The following SSH2 variants were observed in gnomAD, a reference collection of about 807,000 sequenced individuals.
SSH2 encodes the protein protein phosphatase Slingshot homolog 2.
A neutral mutation model predicts 135.2 loss-of-function variants in SSH2; 37 were observed. The ratio of observed to expected loss-of-function variants is 0.27; its 90% CI spans 0.21 to 0.36. SSH2 has a LOEUF of 0.36. Ranked by LOEUF, SSH2 falls within the 10% of genes least tolerant of loss-of-function variation. The probability of loss-of-function intolerance (pLI) is 1.00; values close to 1 mark genes in which losing one functional copy is unlikely to be tolerated. For missense variants in SSH2, 1,408 were observed against 1,765.3 expected (o/e 0.80, Z 3.63); for synonymous variants, 628 against 646.2 (o/e 0.97, Z 0.43).
intron 3 of SSH2, among the ~76,000 whole-genome samples, chr17:29,717,467 CT>C (rs1428733868): frequency 6.6e-6 from 1 of 152,224 alleles, no homozygotes; most frequent in East Asian, 1.9e-4. Flanking sequence ...AAAAATCCAG[CT>C]TCTTTTGAAA....
chr17:29,816,669 C>T (rs893536337), intron 2 of SSH2, among the ~76,000 whole-genome samples: 1 of 145,438 alleles, frequency 6.9e-6, no homozygotes, highest in East Asian at 2.0e-4. Flanking sequence ...GCTTCCAATA[C>T]AAAATACTGA....
intron 3 of SSH2, among the ~76,000 whole-genome samples, chr17:29,742,495 T>TCAA (rs1220614457): frequency 6.8e-6 from 1 of 147,332 alleles, no homozygotes; most frequent in Non-Finnish European, 1.5e-5. Flanking sequence ...TTTTTTTTTT[T>TCAA]TTTTTCTTTT....
chr17:29,631,844 G>C lies in SSH2; in HGVS notation c.3350C>G (p.Thr1117Ser). 6.2e-7 allele frequency: 1 copy of C among 1,614,248 alleles called. No individual in the cohort carries two copies. Among genetic ancestry groups the C allele is most frequent in the Middle Eastern group, 1.6e-4 (1 of 6,062 alleles). Residue 1117 changes from threonine to serine, a missense_variant, in exon 16 of 16, where the codon ACT becomes AGT. By Grantham distance (58) the Thr-to-Ser change is moderately conservative (BLOSUM62 1). Around this residue, in one of 3 missense-constraint regions of SSH2, gnomAD observed 1,080 missense variants for 1,144.5 expected, o/e 0.94. Coordinates refer to ENST00000540801, the MANE Select transcript of SSH2 (RefSeq NM_001282129.2). ...HSSSPEHNRP[T>S]DHPTSILSSP... ...ACTCAGGATGGAGGTTGGATGGTCA[G>C]TGGGTCTGTTGTGCTCAGGGGAGGA...
At chr17:29,777,806 A>AC (rs2041740052) in intron 3 of SSH2, 2 of 152,828 alleles carry the variant, frequency 1.3e-5, no homozygotes, top group African/African-American at 4.8e-5. Context: ...AAAAAAAAAA[A>AC]AAAAAAAAAC....
In SSH2 at chr17:29,744,055, G is replaced by A. The variant is rs199792810; in HGVS notation, c.189-40993C>T. ...AGTCTCTGTGTCACAAGAGCGGGCCGTATTCACAGGGTTAAAAATATTCAC... is the reference window on the plus strand; with the variant it reads ...AGTCTCTGTGTCACAAGAGCGGGCCATATTCACAGGGTTAAAAATATTCAC... On this transcript the variant is annotated intron_variant, in intron 3 of 15. Transcript: ENST00000540801. 1.3e-4 allele frequency among the ~76,000 whole-genome samples: 20 copies of A among 152,148 alleles called. 1 individual carries two copies. The highest frequency in any genetic ancestry group is 3.3e-4 in the Admixed American group (5 of 15,294).
At chr17:29,902,729 A>G (rs1240992181) in intron 1 of SSH2, among the ~76,000 whole-genome samples, 2 of 152,032 alleles carry the variant, frequency 1.3e-5, no homozygotes, top group Non-Finnish European at 2.9e-5. Context: ...TTGCTGTGAA[A>G]GAACACCCTT....
intron 3 of SSH2, among the ~76,000 whole-genome samples, chr17:29,736,080 G>A (rs1213742910): frequency 6.6e-6 from 1 of 152,148 alleles, no homozygotes; most frequent in East Asian, 1.9e-4. Context: ...CTGGACGACA[G>A]AGTGACACTA....
At chr17:29,873,183 G>C (rs1399079820) in intron 1 of SSH2, among the ~76,000 whole-genome samples, 1 of 152,084 alleles carries the variant, frequency 6.6e-6, no homozygotes, top group Non-Finnish European at 1.5e-5. Context: ...TACCTAAAAA[G>C]CCAAGAGAAA....
At chr17:29,835,084 A>T (rs2042920620) in intron 2 of SSH2, among the ~76,000 whole-genome samples, 1 of 152,238 alleles carries the variant, frequency 6.6e-6, no homozygotes, top group South Asian at 2.1e-4. Flanking sequence ...TCATCAGGTA[A>T]GATGCATATA....
intron 1 of SSH2, among the ~76,000 whole-genome samples, chr17:29,893,977 CA>C (rs1278651369): frequency 6.6e-6 from 1 of 152,000 alleles, no homozygotes; most frequent in Non-Finnish European, 1.5e-5. Context: ...TCCCATTCCC[CA>C]AAAGTCTATC....
chr17:29,920,263 G>A lies in SSH2; in HGVS notation c.63+9675C>T, dbSNP rs78785012. Reference sequence around the variant, plus strand: ...AGTGCTGCACAGTGTCTTTTTCAGCGTGAGCATAATCTAGAAACTGCTCCC... The same window carrying A: ...AGTGCTGCACAGTGTCTTTTTCAGCATGAGCATAATCTAGAAACTGCTCCC... On this transcript the variant is annotated intron_variant, in intron 1 of 15. Coordinates refer to ENST00000540801, the MANE Select transcript of SSH2 (RefSeq NM_001282129.2). Among the ~76,000 whole-genome samples the A allele has an allele frequency of 6.8e-3, 1,032 of 152,310 alleles. 7 individuals carry two copies. The highest frequency in any genetic ancestry group is 0.011 in the Non-Finnish European group (722 of 68,036).
At chr17:29,899,277 A>G (rs2066502073) in intron 1 of SSH2, among the ~76,000 whole-genome samples, 1 of 152,100 alleles carries the variant, frequency 6.6e-6, no homozygotes, top group Non-Finnish European at 1.5e-5. Flanking sequence ...AGTTCTGGCC[A>G]GGGCAATCAG....
intron 6 of SSH2, 74 bp downstream of exon 6, chr17:29,684,483 TAAAAAA>T (rs11307211): frequency 1.3e-4 from 120 of 956,244 alleles, no homozygotes; most frequent in Middle Eastern, 2.7e-4. Flanking sequence ...CCGTCCCCAT[TAAAAAA>T]AAAAAAAAAA....
intron 4 of SSH2, among the ~76,000 whole-genome samples, chr17:29,701,506 C>T (rs1358746060): frequency 6.6e-6 from 1 of 150,868 alleles, no homozygotes; most frequent in African/African-American, 2.4e-5. Flanking sequence ...ACCTCCCAGG[C>T]TCAAGTGACC....
chr17:29,809,549 A>C (rs2042405331), intron 2 of SSH2, among the ~76,000 whole-genome samples: 1 of 151,616 alleles, frequency 6.6e-6, no homozygotes, highest in Non-Finnish European at 1.5e-5. Context: ...GCCTACTTCT[A>C]TTAATCCTTT....
intron 14 of SSH2, among the ~76,000 whole-genome samples, chr17:29,637,526 T>C (rs1284997951): frequency 1.3e-5 from 2 of 152,144 alleles, no homozygotes; most frequent in South Asian, 2.1e-4. Context: ...ACGCCTGTAA[T>C]CTCAGCACTT....
intron 2 of SSH2, among the ~76,000 whole-genome samples, chr17:29,818,611 A>G (rs894865644): frequency 6.6e-6 from 1 of 152,130 alleles, no homozygotes; most frequent in Non-Finnish European, 1.5e-5. Context: ...CTGGGGAGAA[A>G]AAGGAAGAAA....
chr17:29,831,484 T>C (rs2042842849), intron 2 of SSH2, among the ~76,000 whole-genome samples: 1 of 152,062 alleles, frequency 6.6e-6, no homozygotes, highest in Non-Finnish European at 1.5e-5. Flanking sequence ...TTTTTAAGTC[T>C]AAAGTGAATT....
chr17:29,915,837 ATTTT>A (rs936463112), intron 1 of SSH2, among the ~76,000 whole-genome samples: 1 of 151,530 alleles, frequency 6.6e-6, no homozygotes, highest in Non-Finnish European at 1.5e-5. Flanking sequence ...TTATATATAT[ATTTT>A]TATTATACTT....
Sources: gnomAD v4.1 joint callset for allele counts (sites outside exome capture counted in the v4.1 genomes callset) on GRCh38, gnomAD v4.1.1 for gene constraint, gnomAD v4.1.1 regional missense constraint, MANE v1.5 for transcripts, NCBI Gene and HGNC (gene_info 2026-07-23, HGNC 2026-07-21) for gene names.